Variants in ACAT1 observed in about 807,000 individuals in gnomAD.
ACAT1 encodes the protein acetyl-CoA acetyltransferase, mitochondrial.
ACAT1 carries 28 observed loss-of-function variants against 47.3 expected under a neutral mutation model. That is an observed-to-expected ratio of 0.59 (90% CI 0.44 to 0.81). ACAT1 has a LOEUF of 0.81. ACAT1 is among the 30% of genes least tolerant of loss of function. The pLI is 0.00. For synonymous variants in ACAT1, 181 were observed against 173.6 expected (o/e 1.04, Z -0.34); for missense variants, 469 against 524.3 (o/e 0.89, Z 1.03).
chr11:108,132,679 C>T (rs912781674), intron 2 of ACAT1, among the ~76,000 whole-genome samples: 2 of 150,794 alleles, frequency 1.3e-5, no homozygotes, highest in Non-Finnish European at 3.0e-5. Context: ...ACGGTGAAAC[C>T]CCATCTCCAC....
rs4754296 is a variant in ACAT1, at chr11:108,135,455, T to G, written c.435+213T>G. 0.11 allele frequency among the ~76,000 whole-genome samples: 16,681 copies of G among 152,042 alleles called. 1,243 individuals carry two copies. The highest frequency in any genetic ancestry group is 0.15 in the Non-Finnish European group (10,067 of 67,948). ...CTGGGTATCATGTCTGTAAGCACTT[T>G]GGAAGGTCGAGGCAGGAGGATCCCA... is the stretch of plus-strand genomic sequence containing the variant. On this transcript the variant is annotated intron_variant, in intron 5 of 11. Transcript: ENST00000265838.
chr11:108,140,659 A>C (rs915692626), intron 7 of ACAT1, among the ~76,000 whole-genome samples: 1 of 152,182 alleles, frequency 6.6e-6, no homozygotes, highest in African/African-American at 2.4e-5. Context: ...CAGCCTTTCT[A>C]AAGTTGCTGC....
chr11:108,134,629 TTCTG>T (rs1409359353), intron 4 of ACAT1, among the ~76,000 whole-genome samples: 1 of 106,924 alleles, frequency 9.4e-6, no homozygotes, highest in African/African-American at 3.7e-5. Context: ...CAGAGTGAGA[TTCTG>T]TCTGAAAGAA....
chr11:108,123,262 C>T (rs913827778), intron 1 of ACAT1, among the ~76,000 whole-genome samples: 1 of 151,990 alleles, frequency 6.6e-6, no homozygotes, highest in African/African-American at 2.4e-5. Context: ...TAAAATGAAA[C>T]ACAAATACTC....
intron 1 of ACAT1, among the ~76,000 whole-genome samples, chr11:108,127,689 G>A (rs1055357266): frequency 2.6e-5 from 4 of 152,232 alleles, no homozygotes; most frequent in Non-Finnish European, 4.4e-5. Context: ...AGGGGAAGAT[G>A]AGATAGTAAA....
chr11:108,133,754 T>C (rs2077406643), intron 2 of ACAT1, 66 bp from the exon 3 acceptor site: 1 of 1,280,374 alleles, frequency 7.8e-7, no homozygotes, highest in Non-Finnish European at 1.1e-6. Flanking sequence ...AATATATTTA[T>C]GTTTATTTAA....
intron 7 of ACAT1, among the ~76,000 whole-genome samples, chr11:108,141,301 C>A (rs1418612478): frequency 7.4e-6 from 1 of 134,556 alleles, no homozygotes; most frequent in Non-Finnish European, 1.5e-5. Context: ...GGGAGGATCA[C>A]ATGGGCCTGG....
intron 8 of ACAT1, 33 bp downstream of exon 8, chr11:108,141,733 T>C (rs375147667): frequency 1.1e-5 from 17 of 1,493,318 alleles, no homozygotes; most frequent in African/African-American, 5.5e-5. Flanking sequence ...TAAGAAAAAA[T>C]TGAGCCAGTA....
chr11:108,133,373 C>T (rs1284324484), intron 2 of ACAT1, among the ~76,000 whole-genome samples: 2 of 152,024 alleles, frequency 1.3e-5, no homozygotes, highest in East Asian at 1.9e-4. Flanking sequence ...TTAATCCTAG[C>T]ACTTTGGTAG....
intron 8 of ACAT1, among the ~76,000 whole-genome samples, chr11:108,142,132 G>A (rs2077601757): frequency 6.6e-6 from 1 of 152,172 alleles, no homozygotes; most frequent in African/African-American, 2.4e-5. Flanking sequence ...AATAAGGAAA[G>A]TTAGACCCTG....
intron 1 of ACAT1, among the ~76,000 whole-genome samples, chr11:108,131,372 TAGACAGTCTTGC>T (rs2077356623): frequency 9.8e-5 from 14 of 142,426 alleles, no homozygotes; most frequent in Admixed American, 2.9e-4. Context: ...TTTTTTTTTT[TAGACAGTCTTGC>T]TTTGTTGCCA....
intron 1 of ACAT1, among the ~76,000 whole-genome samples, chr11:108,127,686 G>GT (rs1445662149): frequency 7.2e-5 from 11 of 152,244 alleles, no homozygotes; most frequent in Non-Finnish European, 1.6e-4. Context: ...GGAAGGGGAA[G>GT]ATGAGATAGT....
In ACAT1 at chr11:108,121,594, G is replaced by C. The variant is rs754411997; in HGVS notation, c.-13G>C. On this transcript the variant is annotated 5_prime_UTR_variant, in exon 1 of 12. Transcript: ENST00000265838. ...TCTACGCCTGTGGAGCCGATACTCA[G>C]CCCTCTGCGACCATGGCTGTGCTGG... is the stretch of plus-strand genomic sequence containing the variant. 30 of 1,550,396 alleles carry C rather than the reference G, an allele frequency of 1.9e-5. No homozygotes were observed. The highest frequency in any genetic ancestry group is 2.6e-5 in the Non-Finnish European group (30 of 1,146,932).
intron 3 of ACAT1, 82 bp from the exon 4 acceptor site, chr11:108,134,139 T>C: frequency 1.5e-6 from 2 of 1,326,354 alleles, no homozygotes; most frequent in East Asian, 2.3e-5. Context: ...TCCTATTGTG[T>C]AATGTCACCT....
At chr11:108,130,014 C>T (rs1434805349) in intron 1 of ACAT1, among the ~76,000 whole-genome samples, 1 of 152,212 alleles carries the variant, frequency 6.6e-6, no homozygotes, top group Non-Finnish European at 1.5e-5. Flanking sequence ...CCAAAGCCAT[C>T]TTTTGCCTCT....
chr11:108,119,313 C>T (rs553044624), upstream of ACAT1, among the ~76,000 whole-genome samples: 5 of 152,108 alleles, frequency 3.3e-5, no homozygotes, highest in African/African-American at 4.8e-5. Context: ...AAGCAATTCT[C>T]CTGCCTCAGC....
intron 1 of ACAT1, among the ~76,000 whole-genome samples, chr11:108,125,176 A>G (rs7123836): frequency 0.53 from 79,958 of 152,084 alleles, 22,917 homozygotes; most frequent in East Asian, 0.88. Flanking sequence ...AAAATTATAT[A>G]TTCTGGAACA....
intron 4 of ACAT1, 40 bp from the exon 5 acceptor site, chr11:108,135,102 T>C (rs1388282386): frequency 7.0e-7 from 1 of 1,422,320 alleles, no homozygotes; most frequent in African/African-American, 1.4e-5. Context: ...CAGTTGTGTT[T>C]GAGTATCGGT....
At chr11:108,134,954 A>T (rs958393153) in intron 4 of ACAT1, among the ~76,000 whole-genome samples, 188 bp from the exon 5 acceptor site, 20 of 151,512 alleles carry the variant, frequency 1.3e-4, no homozygotes, top group Non-Finnish European at 1.8e-4. Context: ...CAAAAAAAAA[A>T]AAAAAAAAAA....
Sources: gnomAD v4.1 joint callset for allele counts (sites outside exome capture counted in the v4.1 genomes callset) on GRCh38, gnomAD v4.1.1 for gene constraint, MANE v1.5 for transcripts, NCBI Gene and HGNC (gene_info 2026-07-23, HGNC 2026-07-21) for gene names.